CASKIN2: variants seen among roughly 807,000 people sequenced by gnomAD.
CASKIN2 encodes the protein CASK interacting protein 2, also known as caskin-2.
In CASKIN2, 41 loss-of-function variants were observed where a neutral mutation model predicts 107.1. That is an observed-to-expected ratio of 0.38 (90% CI 0.30 to 0.50). The LOEUF is 0.50. Among genes scored for constraint, CASKIN2 ranks in the 20% least tolerant of loss-of-function variants. CASKIN2 has a pLI of 0.92. For synonymous variants in CASKIN2, 724 were observed against 705.6 expected (o/e 1.03, Z -0.41); for missense variants, 1,546 against 1,657.4 (o/e 0.93, Z 1.17).
chr17:75,502,037 T>C lies in CASKIN2; in HGVS notation c.3037A>G (p.Ser1013Gly), dbSNP rs1371136421. Residue 1013 changes from serine to glycine, a missense_variant, in exon 18 of 20, where the codon AGT (serine) becomes GGT (glycine). Physicochemically the swap from Ser to Gly is moderately conservative, Grantham distance 56. Transcript: ENST00000321617. This position sits in a 1 kb window ranked among gnomAD's most constrained non-coding sequence, Gnocchi z 4.3. Reference protein sequence around the residue: ...QTALLAFGVASATPGPAAPLP... With the variant: ...QTALLAFGVAGATPGPAAPLP... ...GGGGCAGCGGGGCCAGGCGTGGCAC[T>C]GGCCACTCCGAAGGCCAGCAGTGCG... is the stretch of plus-strand genomic sequence containing the variant. 3 of 1,612,436 alleles carry C rather than the reference T, an allele frequency of 1.9e-6. No individual in the cohort carries two copies. In the African/African-American group the frequency reaches 4.0e-5, roughly 22 times the overall value.
At chr17:75,514,899 C>T (rs554579155) in intron 1 of CASKIN2, among the ~76,000 whole-genome samples, 165 of 152,060 alleles carry the variant, frequency 1.1e-3, no homozygotes, top group African/African-American at 3.5e-3. Context: ...CCCAAGCCCC[C>T]CAAGCCTGAA....
intron 4 of CASKIN2, 28 bp downstream of exon 4, chr17:75,507,556 G>A: frequency 6.4e-7 from 1 of 1,566,692 alleles, no homozygotes; most frequent in Non-Finnish European, 8.8e-7. Context: ...TGCCCAGGGT[G>A]GGGGTCGGGG....
rs1324748771 is a variant in CASKIN2, at chr17:75,501,163, TG to T, written c.3525del (p.Ser1176AlafsTer54). On this transcript the variant is annotated frameshift_variant, in exon 20 of 20. Coordinates refer to ENST00000321617, the MANE Select transcript of CASKIN2 (RefSeq NM_020753.5). LOFTEE classifies it high-confidence loss of function. The part of the protein sequence containing the change: ...SIGTKEQEGT[P>X]SASTKHILDD... Reference sequence around the variant, plus strand: ...TCCAGAATGTGCTTGGTGGAGGCGCTGGGGGTGCTGCAGCAAGGGGAAGGAT... The same window carrying T: ...TCCAGAATGTGCTTGGTGGAGGCGCTGGGGTGCTGCAGCAAGGGGAAGGAT... 1.3e-6 allele frequency: 2 copies of T among 1,586,124 alleles called. No homozygotes were observed. The highest frequency in any genetic ancestry group is 1.7e-6 in the Non-Finnish European group (2 of 1,166,278).
At position 75,501,802 on chromosome 17, in the gene CASKIN2, G is replaced by A. The variant is rs780475527; in HGVS notation, c.3272C>T (p.Ala1091Val). The stretch of plus-strand genomic sequence containing the variant: ...ACCTGCTCCGGGCACCTTGAGGAGG[G>A]CAGCAGGGGCGGCCGGGGGTTCTGT... ...GETEPPAAPA[A>V]LLKVPGAGTA... Residue 1091 changes from alanine (A) to valine (V), a missense_variant, in exon 18 of 20, where the codon GCC (alanine) becomes GTC (valine). By Grantham distance (64) the Ala-to-Val change is moderately conservative. Coordinates refer to ENST00000321617, the MANE Select transcript of CASKIN2 (RefSeq NM_020753.5). The A allele has an allele frequency of 6.5e-7, 1 of 1,542,784 alleles. No homozygotes were observed. Among genetic ancestry groups the A allele is most frequent in the Non-Finnish European group, 8.7e-7 (1 of 1,147,472 alleles).
At chr17:75,507,211 C>A (rs2053275264) in intron 4 of CASKIN2, 82 bp from the exon 5 acceptor site, 1 of 1,465,600 alleles carries the variant, frequency 6.8e-7, no homozygotes, top group Non-Finnish European at 9.1e-7. Flanking sequence ...ACGGAGCCAG[C>A]CCAGCTGGGA....
In CASKIN2 at chr17:75,506,787, T is replaced by C. The variant is rs773178652; in HGVS notation, c.486+12A>G. On this transcript the variant is annotated intron_variant, in intron 6 of 19. Transcript: ENST00000321617. The surrounding 1 kb of genome is among the most constrained non-coding windows in gnomAD (Gnocchi z 4.8). Reference sequence around the variant, plus strand: ...TGTCCAGGACCCAGCACCCCAAGGCTGCAGGCCTCACCTTGAGTCGGCCAA... The same window carrying C: ...TGTCCAGGACCCAGCACCCCAAGGCCGCAGGCCTCACCTTGAGTCGGCCAA... 8.7e-6 allele frequency: 14 copies of C among 1,613,800 alleles called. No homozygotes were observed. The highest frequency in any genetic ancestry group is 1.2e-5 in the Non-Finnish European group (14 of 1,179,970).
At position 75,505,071 on chromosome 17, in the gene CASKIN2, C is replaced by G. The variant is rs1205288257; in HGVS notation, c.933G>C (p.Val311=). The G allele has an allele frequency of 1.2e-6, 2 of 1,609,930 alleles. No homozygotes were observed. The highest frequency in any genetic ancestry group is 1.7e-6 in the Non-Finnish European group (2 of 1,179,396). ...LNVRAGDVIT[V]LEQHPDGRWK... ...AGCGGCCGTCGGGATGCTGTTCTAG[C>G]ACCTGCGGCCAGGGGTGGGGGGCGG... The change falls in exon 11 of 20, where the codon GTG becomes GTC. Residue 311 remains valine (V), a splice_region_variant and synonymous_variant. Transcript: ENST00000321617. This position sits in a 1 kb window ranked among gnomAD's most constrained non-coding sequence, Gnocchi z 5.1.
At position 75,501,538 on chromosome 17, in the gene CASKIN2, G is replaced by A; in HGVS notation, c.3448C>T (p.Gln1150Ter). The A allele has an allele frequency of 6.2e-7, 1 of 1,612,516 alleles. No individual in the cohort carries two copies. Residue 1150 changes from glutamine (Q) to a stop codon, truncating the protein, a stop_gained, in exon 19 of 20, where the codon CAG becomes TAG. Coordinates refer to ENST00000321617, the MANE Select transcript of CASKIN2 (RefSeq NM_020753.5). LOFTEE classifies it high-confidence loss of function. ...GCAGCTGCCAGGGACGAGCTGGTCT[G>A]CTCCAGTCTCTGCTGGGCCTGGCCT... ...GPGQAQQRLEQTSSSLAAALR... is the reference protein window; with the variant it reads ...GPGQAQQRLE
Position 75,503,908 on chromosome 17 carries a change from C to T in CASKIN2, c.1522G>A (p.Ala508Thr). 6.2e-7 allele frequency: 1 copy of T among 1,612,818 alleles called. No homozygotes were observed. Among genetic ancestry groups the T allele is most frequent in the Non-Finnish European group, 8.5e-7 (1 of 1,179,922 alleles). The change falls in exon 15 of 20, where the codon GCC (alanine) becomes ACC (threonine). Residue 508 changes from alanine to threonine, a missense_variant. Transcript: ENST00000321617. Reference protein sequence around the residue: ...LSEFQLEGYTAHFLQAGYDVP... With the variant: ...LSEFQLEGYTTHFLQAGYDVP... The stretch of plus-strand genomic sequence containing the variant: ...TCATAGCCGGCCTGCAGAAAGTGGG[C>T]AGTGTAGCCCTCCAGCTGGAACTCG...
At chr17:75,509,719 C>T (rs144542279) in intron 2 of CASKIN2, 33 of 985,290 alleles carry the variant, frequency 3.3e-5, no homozygotes, top group South Asian at 4.7e-5. Flanking sequence ...TGGCCTGCCA[C>T]GGTACCTCTC....
chr17:75,512,636 G>A (rs138679903), intron 2 of CASKIN2, among the ~76,000 whole-genome samples: 23 of 152,226 alleles, frequency 1.5e-4, no homozygotes, highest in African/African-American at 5.1e-4. Flanking sequence ...GGCCTGGTGC[G>A]GTGGCTCATG....
rs1424487395 is a variant in CASKIN2 at position 75,501,809 on chromosome 17, G to A, written c.3265C>T (p.Pro1089Ser). ...WNGETEPPAA[P>S]AALLKVPGAG... ...CCGGGCACCTTGAGGAGGGCAGCAG[G>A]GGCGGCCGGGGGTTCTGTCTCCCCA... The change falls in exon 18 of 20, where the codon CCT becomes TCT. Residue 1089 changes from proline (P) to serine (S), a missense_variant. Physicochemically the swap from Pro to Ser is moderately conservative, Grantham distance 74. This residue lies in a region of CASKIN2 where 1,311 missense variants were observed against 1,311.0 expected (regional missense o/e 1.00). Coordinates refer to ENST00000321617, the MANE Select transcript of CASKIN2 (RefSeq NM_020753.5). The A allele has an allele frequency of 6.5e-7, 1 of 1,545,282 alleles. No individual in the cohort carries two copies. The highest frequency in any genetic ancestry group is 2.0e-5 in the Admixed American group (1 of 50,306).
chr17:75,507,536 G>A (rs1326626484), intron 4 of CASKIN2, 48 bp downstream of exon 4: 1 of 1,425,246 alleles, frequency 7.0e-7, no homozygotes, highest in Admixed American at 1.7e-5. Context: ...GTCTGGGTAG[G>A]GCCCCTACCT....
In CASKIN2 at chr17:75,501,139, C is replaced by T. The variant is rs766765295; in HGVS notation, c.3550G>A (p.Asp1184Asn). Residue 1184 changes from aspartate to asparagine, a missense_variant, in exon 20 of 20, where the codon GAT becomes AAT. By Grantham distance (23) the Asp-to-Asn change is conservative. Coordinates refer to ENST00000321617, the MANE Select transcript of CASKIN2 (RefSeq NM_020753.5). ...GCGTCGAACATGGTGCTGATGTCAT[C>T]CAGAATGTGCTTGGTGGAGGCGCTG... is the stretch of plus-strand genomic sequence containing the variant. Reference protein sequence around the residue: ...TPSASTKHILDDISTMFDALA... With the variant: ...TPSASTKHILNDISTMFDALA... 2.5e-6 allele frequency: 4 copies of T among 1,593,234 alleles called. No individual in the cohort carries two copies. The highest frequency in any genetic ancestry group is 3.5e-5 in the Admixed American group (2 of 56,652).
At chr17:75,507,503 T>C (rs1454231497) in intron 4 of CASKIN2, 81 bp downstream of exon 4, 9 of 1,040,954 alleles carry the variant, frequency 8.6e-6, no homozygotes, top group Non-Finnish European at 1.3e-5. Context: ...TACGTTGTCA[T>C]AGGAGCAAGC....
In CASKIN2 at chr17:75,505,616, C is replaced by A. The variant is rs2053256901; in HGVS notation, c.871G>T (p.Asp291Tyr). The A allele has an allele frequency of 6.2e-7, 1 of 1,613,460 alleles. No homozygotes were observed. Among genetic ancestry groups the A allele is most frequent in the Non-Finnish European group, 8.5e-7 (1 of 1,179,984 alleles). ...SGILKVRALKDFWNLHDPTAL... is the reference protein window; with the variant it reads ...SGILKVRALKYFWNLHDPTAL... The stretch of plus-strand genomic sequence containing the variant: ...GTGGGATCGTGGAGGTTCCAGAAAT[C>A]CTTGAGCGCTCGGACCTTCAGGATC... The change falls in exon 10 of 20, where the codon GAT (aspartate) becomes TAT (tyrosine). Residue 291 changes from aspartate (D) to tyrosine (Y), a missense_variant. Coordinates refer to ENST00000321617, the MANE Select transcript of CASKIN2 (RefSeq NM_020753.5). This position sits in a 1 kb window ranked among gnomAD's most constrained non-coding sequence, Gnocchi z 5.1.
At chr17:75,507,502 A>C in intron 4 of CASKIN2, 82 bp downstream of exon 4, 1 of 1,036,112 alleles carries the variant, frequency 9.7e-7, no homozygotes, top group Non-Finnish European at 1.5e-6. Flanking sequence ...CTACGTTGTC[A>C]TAGGAGCAAG....
At position 75,513,721 on chromosome 17, in the gene CASKIN2, GGCCTTGACCTTC is replaced by G; in HGVS notation, c.72_83del (p.Lys25_Ala28del). 1 of 1,609,084 alleles carries G rather than the reference GGCCTTGACCTTC, an allele frequency of 6.2e-7. No homozygotes were observed. Among genetic ancestry groups the G allele is most frequent in the Non-Finnish European group, 8.5e-7 (1 of 1,177,210 alleles). ...CCACCCGGTACTCACTTGTCTTTGTGGCCTTGACCTTCGCCACCAGTTTCTGCACACCGGTCA... is the reference window on the plus strand; with the variant it reads ...CCACCCGGTACTCACTTGTCTTTGTGGCCACCAGTTTCTGCACACCGGTCA... On this transcript the variant is annotated inframe_deletion, in exon 2 of 20. Transcript: ENST00000321617.
In CASKIN2 at chr17:75,502,500, G is replaced by A; in HGVS notation, c.2574C>T (p.Ser858=). The part of the protein sequence containing the change: ...TPARGTPRSQ[S]FALRARRKGP... ...CTTTGCGCCGGGCCCGCAGGGCAAA[G>A]GACTGGCTGCGAGGAGTCCCCCGAG... The change falls in exon 18 of 20, where the codon TCC becomes TCT. Residue 858 remains serine (S), a synonymous_variant. Coordinates refer to ENST00000321617, the MANE Select transcript of CASKIN2 (RefSeq NM_020753.5). The surrounding 1 kb of genome is among the most constrained non-coding windows in gnomAD (Gnocchi z 4.3). The A allele has an allele frequency of 1.4e-6, 2 of 1,466,808 alleles. No individual in the cohort carries two copies. 90.9% of individuals were successfully genotyped at this position (1,466,808 alleles called of 1,614,324 possible).
Sources: allele counts gnomAD v4.1 joint callset (sites outside exome capture counted in the v4.1 genomes callset), GRCh38; gene constraint gnomAD v4.1.1; regional missense constraint gnomAD v4.1.1; non-coding constraint Gnocchi (gnomAD v3.1); transcripts MANE v1.5; gene names NCBI Gene and HGNC (gene_info 2026-07-23, HGNC 2026-07-21).